Variants in LYST observed in about 807,000 individuals in gnomAD.
LYST encodes lysosomal trafficking regulator, also known as lysosomal-trafficking regulator.
In LYST, 192 loss-of-function variants were observed where a neutral mutation model predicts 413.6. That is an observed-to-expected ratio of 0.46 (90% confidence interval 0.41 to 0.52). The LOEUF (loss-of-function observed/expected upper bound fraction) is 0.52. LYST is among the 20% of genes least tolerant of loss of function. The pLI is 0.00. For missense variants in LYST, 3,815 were observed against 4,499.9 expected (o/e 0.85, Z 4.35); for synonymous variants, 1,525 against 1,567.3 (o/e 0.97, Z 0.64).
intron 14 of LYST, among the ~76,000 whole-genome samples, chr1:235,784,450 T>C (rs1232598320): frequency 1.3e-5 from 2 of 152,214 alleles, no homozygotes; most frequent in African/African-American, 4.8e-5. Flanking sequence ...TAATAGTTTA[T>C]GGTTCCTCTA....
intron 1 of LYST, among the ~76,000 whole-genome samples, chr1:235,878,686 A>C (rs1211507365): frequency 2.0e-5 from 3 of 152,088 alleles, no homozygotes; most frequent in Non-Finnish European, 4.4e-5. Flanking sequence ...CCATAGCACC[A>C]TTTTTGGAAC....
At chr1:235,729,701 C>T (rs1388030823) in intron 36 of LYST, 44 bp from the exon 37 acceptor site, 1 of 1,342,414 alleles carries the variant, frequency 7.4e-7, no homozygotes, top group African/African-American at 1.4e-5. Context: ...ATGTTCTGAC[C>T]AATTTCAGAG....
At chr1:235,796,143 CA>C (rs1181463292) in intron 10 of LYST, among the ~76,000 whole-genome samples, 1 of 151,252 alleles carries the variant, frequency 6.6e-6, no homozygotes, top group African/African-American at 2.4e-5. Context: ...AATTAGAATA[CA>C]AAAAAAGAGG....
chr1:235,679,773 G>A (rs1264489634), intron 48 of LYST, among the ~76,000 whole-genome samples: 5 of 152,076 alleles, frequency 3.3e-5, no homozygotes, highest in Admixed American at 6.5e-5. Context: ...AGAATGAAAG[G>A]GACCAGCCTT....
At chr1:235,757,570 T>C (rs1667160932) in intron 23 of LYST, 112 bp from the exon 24 acceptor site, 1 of 777,732 alleles carries the variant, frequency 1.3e-6, no homozygotes, top group South Asian at 1.4e-5. Flanking sequence ...CAAATGTTCA[T>C]AATGCTTAAG....
intron 36 of LYST, 126 bp from the exon 37 acceptor site, chr1:235,729,783 T>C (rs1664204535): frequency 2.9e-6 from 2 of 701,186 alleles, no homozygotes; most frequent in South Asian, 3.1e-5. Flanking sequence ...TAGCATGAGG[T>C]ATCTTGTCGA....
At position 235,810,194 on chromosome 1, in the gene LYST, T is replaced by C. The variant is rs755699804; in HGVS notation, c.624A>G (p.Leu208=). 6.2e-6 allele frequency: 10 copies of C among 1,614,162 alleles called. No homozygotes were observed. Among genetic ancestry groups the C allele is most frequent in the Non-Finnish European group, 8.5e-6 (10 of 1,179,984 alleles). Residue 208 remains leucine (L), a synonymous_variant, in exon 5 of 53, where the codon TTA becomes TTG. Transcript: ENST00000389793. The part of the protein sequence containing the change: ...QDHPKAKLDR[L]ATKEQTPPDA... The stretch of plus-strand genomic sequence containing the variant: ...CTGGAGGAGTCTGTTCTTTGGTTGC[T>C]AAGCGGTCAAGTTTAGCTTTGGGGT...
intron 20 of LYST, among the ~76,000 whole-genome samples, chr1:235,766,663 G>A (rs562778977): frequency 6.6e-6 from 1 of 152,156 alleles, no homozygotes; most frequent in South Asian, 2.1e-4. Flanking sequence ...TTGTCTATGT[G>A]AGTAATACTA....
intron 1 of LYST, among the ~76,000 whole-genome samples, chr1:235,838,934 A>C (rs899057651): frequency 2.0e-5 from 3 of 151,892 alleles, no homozygotes; most frequent in Admixed American, 6.6e-5. Flanking sequence ...TCTATTATTT[A>C]TTTGTCATAC....
Position 235,757,658 on chromosome 1 carries a change from C to T in LYST, c.6882-200G>A, listed in dbSNP as rs1297148097. ...TTGATTTTTTTGGGCATATAGTCTA[C>T]TAACACTATTCAATTGTACATCTCT... is the stretch of plus-strand genomic sequence containing the variant. On this transcript the variant is annotated intron_variant, in intron 23 of 52. Coordinates refer to ENST00000389793, the MANE Select transcript of LYST (RefSeq NM_000081.4). 7.2e-5 allele frequency among the ~76,000 whole-genome samples: 11 copies of T among 152,248 alleles called. No homozygotes were observed. The East Asian group carries it at 9.6e-4, about 13-fold the overall frequency.
chr1:235,724,248 T>A, intron 38 of LYST, 68 bp from the exon 39 acceptor site: 1 of 1,361,096 alleles, frequency 7.3e-7, no homozygotes, highest in Non-Finnish European at 1.0e-6. Flanking sequence ...TAATTTTAGA[T>A]TTTAAAAAGC....
Position 235,734,588 on chromosome 1 carries a change from C to T in LYST, c.8430G>A (p.Glu2810=). 1 of 1,613,324 alleles carries T rather than the reference C, an allele frequency of 6.2e-7. No homozygotes were observed. Residue 2810 remains glutamate, a synonymous_variant, in exon 32 of 53, where the codon GAG becomes GAA. Coordinates refer to ENST00000389793, the MANE Select transcript of LYST (RefSeq NM_000081.4). The stretch of plus-strand genomic sequence containing the variant: ...TCATAAGCAGTTCTGCTGTGCCTAG[C>T]TCTTCTTCAGTCAATTCACCTTGGT... ...HNHQGELTEE[E]LGTAELLMNA... is the part of the protein sequence containing the mutation.
chr1:235,716,672 A>G lies in LYST; in HGVS notation c.9627+40T>C, dbSNP rs763187048. On this transcript the variant is annotated intron_variant, in intron 41 of 52. Transcript: ENST00000389793. The stretch of plus-strand genomic sequence containing the variant: ...ACACAAGTCTGTAAAACAAAACACA[A>G]TTTTTCATTTAATAAAGTACGAGTA... 2.2e-6 allele frequency: 3 copies of G among 1,337,998 alleles called. No homozygotes were observed. The Admixed American group carries it at 5.3e-5, about 24-fold the overall frequency. The allele number at this position is 1,337,998 out of a possible 1,614,324, so 82.9% of individuals were successfully genotyped here. A position where few individuals can be genotyped will look rare whatever the true frequency, so the allele number is the denominator to read the frequency against.
chr1:235,855,809 C>T (rs1373078634), intron 1 of LYST, among the ~76,000 whole-genome samples: 4 of 152,040 alleles, frequency 2.6e-5, no homozygotes, highest in African/African-American at 9.7e-5. Flanking sequence ...ATAGATAGCA[C>T]GTTTCCTCTT....
Position 235,782,002 on chromosome 1 carries a change from G to C in LYST, c.4948C>G (p.His1650Asp). Residue 1650 changes from histidine to aspartate, a missense_variant, in exon 15 of 53, where the codon CAT becomes GAT. His to Asp is a moderately conservative substitution (Grantham distance 81, BLOSUM62 -1). Coordinates refer to ENST00000389793, the MANE Select transcript of LYST (RefSeq NM_000081.4). ...AACTCTTCTTGGGATGATAAACAATGGCCAATCATGCAAAATGTTTTATTG... is the reference window on the plus strand; with the variant it reads ...AACTCTTCTTGGGATGATAAACAATCGCCAATCATGCAAAATGTTTTATTG... ...DSNKTFCMIG[H>D]CLSSQEEFLQ... is the part of the protein sequence containing the mutation. 6.2e-7 allele frequency: 1 copy of C among 1,613,284 alleles called. No individual in the cohort carries two copies. The highest frequency in any genetic ancestry group is 8.5e-7 in the Non-Finnish European group (1 of 1,179,366).
intron 10 of LYST, among the ~76,000 whole-genome samples, chr1:235,794,663 A>G (rs755415388): frequency 6.6e-6 from 1 of 152,248 alleles, no homozygotes; most frequent in Non-Finnish European, 1.5e-5. Context: ...AATAGAAGCC[A>G]TATTTAAGCA....
Position 235,766,165 on chromosome 1 carries a change from A to G in LYST, c.6035T>C (p.Ile2012Thr). 7 of 1,612,932 alleles carry G rather than the reference A, an allele frequency of 4.3e-6. No individual in the cohort carries two copies. The highest frequency in any genetic ancestry group is 5.9e-6 in the Non-Finnish European group (7 of 1,178,952). ...GTGAACTGCTAAAAGGAAATTGAAG[A>G]TAATTGTCAATAATTCCAAATCTGG... Reference protein sequence around the residue: ...SPPDLELLTIIFNFLLAVHPP... With the variant: ...SPPDLELLTITFNFLLAVHPP... Residue 2012 changes from isoleucine (I) to threonine (T), a missense_variant, in exon 21 of 53, where the codon ATC becomes ACC. Physicochemically the swap from Ile to Thr is moderately conservative, Grantham distance 89. Around this residue, in one of 4 missense-constraint regions of LYST, gnomAD observed 530 missense variants for 696.5 expected, o/e 0.76. Transcript: ENST00000389793.
intron 30 of LYST, 113 bp downstream of exon 30, chr1:235,743,866 G>A (rs1665656100): frequency 7.7e-6 from 5 of 647,342 alleles, no homozygotes; most frequent in Middle Eastern, 4.2e-4. Context: ...GTTTTAAAAA[G>A]CTCTCTGAAA....
At chr1:235,848,779 G>A (rs1437982601) in intron 1 of LYST, among the ~76,000 whole-genome samples, 1 of 152,032 alleles carries the variant, frequency 6.6e-6, no homozygotes, top group Non-Finnish European at 1.5e-5. Context: ...AAGTCTAGAA[G>A]AGATGGATAC....
Sources: gnomAD v4.1 joint callset for allele counts (sites outside exome capture counted in the v4.1 genomes callset) on GRCh38, gnomAD v4.1.1 for gene constraint, gnomAD v4.1.1 regional missense constraint, MANE v1.5 for transcripts, NCBI Gene and HGNC (gene_info 2026-07-23, HGNC 2026-07-21) for gene names.